Variants in TCF7L1 observed in about 807,000 individuals in gnomAD.
TCF7L1 encodes the protein transcription factor 7 like 1.
TCF7L1 carries 18 observed loss-of-function variants against 63.7 expected under a neutral mutation model. The ratio of observed to expected loss-of-function variants is 0.28; its 90% CI spans 0.20 to 0.42. The LOEUF (loss-of-function observed/expected upper bound fraction) is 0.42, where lower values mean the gene tolerates loss of function less well. TCF7L1 is among the 10% of genes least tolerant of loss of function. TCF7L1 has a pLI of 1.00. For missense variants in TCF7L1, 654 were observed against 779.3 expected (o/e 0.84, Z 1.91); for synonymous variants, 355 against 340.9 (o/e 1.04, Z -0.46).
intron 3 of TCF7L1, among the ~76,000 whole-genome samples, chr2:85,252,738 A>G (rs909623012): frequency 6.6e-6 from 1 of 152,178 alleles, no homozygotes; most frequent in African/African-American, 2.4e-5. Context: ...AAGCTCCCCG[A>G]GGCCTGTGCC....
At chr2:85,254,276 G>A (rs17713036) in intron 3 of TCF7L1, among the ~76,000 whole-genome samples, 7,808 of 152,348 alleles carry the variant, frequency 0.051, 277 homozygotes, top group Non-Finnish European at 0.077. Flanking sequence ...CAGACTTGGG[G>A]TGGATGTTAG....
intron 3 of TCF7L1, among the ~76,000 whole-genome samples, chr2:85,198,322 C>G (rs1342439485): frequency 6.6e-6 from 1 of 152,170 alleles, no homozygotes; most frequent in South Asian, 2.1e-4. Context: ...AGCAATTACT[C>G]AACACAATTA....
At chr2:85,253,134 A>G (rs987303866) in intron 3 of TCF7L1, among the ~76,000 whole-genome samples, 9 of 152,232 alleles carry the variant, frequency 5.9e-5, no homozygotes, top group Admixed American at 1.3e-4. Context: ...GTCACCTTAA[A>G]TGTAAACGTT....
At chr2:85,231,093 A>G (rs1680064785) in intron 3 of TCF7L1, among the ~76,000 whole-genome samples, 1 of 152,200 alleles carries the variant, frequency 6.6e-6, no homozygotes, top group Admixed American at 6.5e-5. Context: ...AGTATCTTGC[A>G]GATGAACGAG....
At chr2:85,297,354 GA>G (rs1681855491) in intron 4 of TCF7L1, among the ~76,000 whole-genome samples, 1 of 152,160 alleles carries the variant, frequency 6.6e-6, no homozygotes, top group Admixed American at 6.5e-5. Context: ...CAGGAGCTCA[GA>G]AAGTATTTGT....
chr2:85,138,743 T>C (rs1413824837), intron 3 of TCF7L1, among the ~76,000 whole-genome samples: 7 of 152,196 alleles, frequency 4.6e-5, no homozygotes, highest in Admixed American at 4.6e-4. Context: ...ACATTCTTCA[T>C]TGATCACACT....
At chr2:85,231,086 A>G (rs1680064634) in intron 3 of TCF7L1, among the ~76,000 whole-genome samples, 1 of 152,310 alleles carries the variant, frequency 6.6e-6, no homozygotes, top group East Asian at 1.9e-4. Context: ...ATCTGCAAGT[A>G]TCTTGCAGAT....
chr2:85,299,860 A>ACACACACACACACACACACACACACAC (rs1681927934), intron 4 of TCF7L1, among the ~76,000 whole-genome samples: 1 of 92,704 alleles, frequency 1.1e-5, no homozygotes, highest in Non-Finnish European at 2.0e-5. Flanking sequence ...CCTTGTCTCA[A>ACACACACACACACACACACACACACAC]ACACACACAC....
At chr2:85,213,301 G>C (rs530063071) in intron 3 of TCF7L1, among the ~76,000 whole-genome samples, 5 of 152,278 alleles carry the variant, frequency 3.3e-5, no homozygotes, top group African/African-American at 4.8e-5. Flanking sequence ...GAATTTTCTA[G>C]TGGTTCTTAT....
intron 3 of TCF7L1, among the ~76,000 whole-genome samples, chr2:85,184,176 G>A (rs1678862495): frequency 6.6e-6 from 1 of 152,192 alleles, no homozygotes; most frequent in African/African-American, 2.4e-5. Context: ...AAAAGGAGGT[G>A]TCCATGTGGG....
chr2:85,161,608 G>A (rs979158578), intron 3 of TCF7L1, among the ~76,000 whole-genome samples: 4 of 152,222 alleles, frequency 2.6e-5, no homozygotes, highest in Non-Finnish European at 5.9e-5. Context: ...TCTTTGGTCT[G>A]GGGAGCCAGG....
At chr2:85,174,595 G>A (rs1678633120) in intron 3 of TCF7L1, among the ~76,000 whole-genome samples, 1 of 152,176 alleles carries the variant, frequency 6.6e-6, no homozygotes, top group South Asian at 2.1e-4. Context: ...TGGCTGTTCT[G>A]TGCTGGTGTG....
chr2:85,134,074 C>T lies in TCF7L1; in HGVS notation c.308C>T (p.Ala103Val). Reference protein sequence around the residue: ...DTFQKPRDYFAEVRRPQDSAF... With the variant: ...DTFQKPRDYFVEVRRPQDSAF... ...TTCCAGAAGCCGCGGGACTATTTCG[C>T]CGAAGGTATGTGCCCGCTGGGACAG... Residue 103 changes from alanine to valine, a missense_variant, in exon 2 of 12, where the codon GCC becomes GTC. This residue lies in a region of TCF7L1 where 404 missense variants were observed against 454.8 expected (regional missense o/e 0.89). Coordinates refer to ENST00000282111, the MANE Select transcript of TCF7L1 (RefSeq NM_031283.3). This position sits in a 1 kb window ranked among gnomAD's most constrained non-coding sequence, Gnocchi z 5.0. The T allele has an allele frequency of 6.2e-7, 1 of 1,610,002 alleles. No individual in the cohort carries two copies. The highest frequency in any genetic ancestry group is 8.5e-7 in the Non-Finnish European group (1 of 1,179,168).
In TCF7L1 at chr2:85,309,797, TCTC is replaced by T. The variant is rs1682234487; in HGVS notation, c.*336_*338del. The T allele has an allele frequency of 4.1e-6, 1 of 246,280 alleles. No individual in the cohort carries two copies. The highest frequency in any genetic ancestry group is 2.2e-5 in the African/African-American group (1 of 44,686). The allele number at this position is 246,280 out of a possible 1,614,324, so 15.3% of individuals were successfully genotyped here. ...CTTGCACTTTCTGTCTCCTGTCTCT[TCTC>T]GCCCCTGCCGCCTGCCCCAGCTTCC... On this transcript the variant is annotated 3_prime_UTR_variant, in exon 12 of 12. Coordinates refer to ENST00000282111, the MANE Select transcript of TCF7L1 (RefSeq NM_031283.3).
At position 85,269,260 on chromosome 2, in the gene TCF7L1, A is replaced by C. The variant is rs142805069; in HGVS notation, c.442-14235A>C. 1.8e-3 allele frequency among the ~76,000 whole-genome samples: 277 copies of C among 152,316 alleles called. 1 individual carries two copies. The highest frequency in any genetic ancestry group is 6.2e-3 in the African/African-American group (259 of 41,568). ...CACTTCCTCACATAATCTTTGCCAC[A>C]TACCACCTATACTATTTACATAATT... is the stretch of plus-strand genomic sequence containing the variant. On this transcript the variant is annotated intron_variant, in intron 3 of 11. Coordinates refer to ENST00000282111, the MANE Select transcript of TCF7L1 (RefSeq NM_031283.3).
chr2:85,214,733 G>C (rs956756531), intron 3 of TCF7L1, among the ~76,000 whole-genome samples: 2 of 152,166 alleles, frequency 1.3e-5, no homozygotes, highest in African/African-American at 4.8e-5. Context: ...GAATCGCTCT[G>C]AACCTATTCT....
At chr2:85,173,797 C>T (rs375639831) in intron 3 of TCF7L1, among the ~76,000 whole-genome samples, 169 of 151,736 alleles carry the variant, frequency 1.1e-3, no homozygotes, top group African/African-American at 2.2e-3. Flanking sequence ...AGTGCAATGG[C>T]GCGATCTCGG....
intron 3 of TCF7L1, among the ~76,000 whole-genome samples, chr2:85,172,911 C>T (rs1266903219): frequency 2.0e-5 from 3 of 152,186 alleles, no homozygotes; most frequent in Non-Finnish European, 4.4e-5. Context: ...GCACCCCTGC[C>T]ATCATTGGTC....
At chr2:85,241,071 C>T (rs1680309326) in intron 3 of TCF7L1, among the ~76,000 whole-genome samples, 1 of 152,154 alleles carries the variant, frequency 6.6e-6, no homozygotes, top group East Asian at 1.9e-4. Context: ...TTAGATTCTG[C>T]AAAATCAGGA....
Sources: allele counts gnomAD v4.1 joint callset (sites outside exome capture counted in the v4.1 genomes callset), GRCh38; gene constraint gnomAD v4.1.1; regional missense constraint gnomAD v4.1.1; non-coding constraint Gnocchi (gnomAD v3.1); transcripts MANE v1.5; gene names NCBI Gene and HGNC (gene_info 2026-07-23, HGNC 2026-07-21).